The following CCNG1 variants were observed in gnomAD, a reference collection of about 807,000 sequenced individuals.
CCNG1 encodes the protein cyclin-G1.
Under a neutral mutation model 30.0 loss-of-function variants are expected in CCNG1, and 13 were observed. The observed-to-expected ratio is 0.43, with a 90% CI of 0.28 to 0.69. CCNG1 has a LOEUF of 0.69. CCNG1 is among the 30% of genes least tolerant of loss of function. The pLI, the probability that CCNG1 is intolerant of heterozygous loss-of-function variation, is 0.16. For missense variants in CCNG1, 285 were observed against 331.4 expected (o/e 0.86, Z 1.09); for synonymous variants, 110 against 121.5 (o/e 0.91, Z 0.62).
chr5:163,448,187 C>A (rs1445814542), downstream of CCNG1: 1 of 128,980 alleles, frequency 7.8e-6, no homozygotes, highest in African/African-American at 3.2e-5. Flanking sequence ...AAACCTAAAG[C>A]AAGCAGAAAG....
the CCNG1 span, chr5:163,457,004 T>C: frequency 2.5e-6 from 4 of 1,613,702 alleles, no homozygotes; most frequent in South Asian, 4.4e-5. Context: ...CATATTCAGA[T>C]TCTAGTAGAG....
At chr5:163,456,568 G>T in the CCNG1 span, among the ~76,000 whole-genome samples, 3 of 152,108 alleles carry the variant, frequency 2.0e-5, no homozygotes, top group African/African-American at 7.2e-5. Context: ...CAACATATGA[G>T]ATGAAAATGA....
intron 2 of CCNG1, 110 bp from the exon 3 acceptor site, chr5:163,440,968 C>A: frequency 8.4e-7 from 1 of 1,185,794 alleles, no homozygotes; most frequent in Non-Finnish European, 1.2e-6. Flanking sequence ...AGAAATAAAC[C>A]TCAAATATAC....
chr5:163,457,585 G>T, the CCNG1 span: 1 of 1,581,290 alleles, frequency 6.3e-7, no homozygotes, highest in Non-Finnish European at 8.7e-7. Context: ...TCCCTCATCA[G>T]CTATTGTAGA....
At chr5:163,441,594 A>G in intron 3 of CCNG1, 1 of 483,074 alleles carries the variant, frequency 2.1e-6, no homozygotes, top group Non-Finnish European at 3.6e-6. Flanking sequence ...ATGGAAAAAA[A>G]GGACCTTCAG....
chr5:163,456,265 T>A, the CCNG1 span, among the ~76,000 whole-genome samples: 1 of 152,238 alleles, frequency 6.6e-6, no homozygotes, highest in East Asian at 1.9e-4. Flanking sequence ...GATATTTATC[T>A]TAAAGATATC....
At chr5:163,447,858 C>T (rs1018970863), downstream of CCNG1, 1 of 152,172 alleles carries the variant, frequency 6.6e-6, no homozygotes, top group Non-Finnish European at 1.5e-5. Flanking sequence ...ACAGGGAAGT[C>T]TTAAAAAATA....
At chr5:163,457,095 C>T in the CCNG1 span, 8 of 1,561,426 alleles carry the variant, frequency 5.1e-6, no homozygotes, top group Non-Finnish European at 6.9e-6. Context: ...AAAAAAAACA[C>T]ACACACACAC....
At chr5:163,438,639 G>A (rs1757620124) in intron 1 of CCNG1, among the ~76,000 whole-genome samples, 1 of 152,124 alleles carries the variant, frequency 6.6e-6, no homozygotes, top group African/African-American at 2.4e-5. Flanking sequence ...TTTCACTTTC[G>A]GTATCCTGTC....
intron 1 of CCNG1, among the ~76,000 whole-genome samples, chr5:163,438,571 A>T (rs1416357734): frequency 2.6e-5 from 4 of 152,240 alleles, no homozygotes; most frequent in African/African-American, 9.7e-5. Flanking sequence ...AGTACAATTA[A>T]GTAACTTGAA....
downstream of CCNG1, among the ~76,000 whole-genome samples, chr5:163,445,620 A>ATTTTTTT (rs56065634): frequency 0.2 from 21,514 of 107,846 alleles, 3,003 homozygotes; most frequent in South Asian, 0.36. Flanking sequence ...CACCCAGCTA[A>ATTTTTTT]TTTTTTTTTT....
At chr5:163,440,990 GT>G in intron 2 of CCNG1, 87 bp from the exon 3 acceptor site, 1 of 1,353,064 alleles carries the variant, frequency 7.4e-7, no homozygotes, top group East Asian at 2.3e-5. Context: ...TTTTCAAAAT[GT>G]TGGGTCGGAG....
At chr5:163,447,859 T>C (rs1758078268), downstream of CCNG1, 1 of 152,210 alleles carries the variant, frequency 6.6e-6, no homozygotes, top group South Asian at 2.1e-4. Flanking sequence ...CAGGGAAGTC[T>C]TAAAAAATAT....
intron 6 of CCNG1, 30 bp downstream of exon 6, chr5:163,442,598 T>G (rs1398080415): frequency 2.0e-6 from 3 of 1,507,166 alleles, no homozygotes; most frequent in Non-Finnish European, 2.7e-6. Flanking sequence ...ATTCTCCAGA[T>G]AGAGAACATT....
downstream of CCNG1, chr5:163,447,657 C>A (rs946472540): frequency 2.0e-5 from 3 of 152,114 alleles, no homozygotes; most frequent in Admixed American, 1.3e-4. Flanking sequence ...GCAGAATAAG[C>A]ATTCTTTTCA....
chr5:163,455,986 C>G, the CCNG1 span, among the ~76,000 whole-genome samples: 1 of 152,028 alleles, frequency 6.6e-6, no homozygotes, highest in African/African-American at 2.4e-5. Flanking sequence ...AAAGATGAGT[C>G]CCAATTTTTT....
the CCNG1 span, among the ~76,000 whole-genome samples, chr5:163,455,260 G>A: frequency 7.2e-5 from 11 of 152,186 alleles, no homozygotes; most frequent in Non-Finnish European, 1.6e-4. Context: ...TGTGGGAGAA[G>A]AGCATTGCAG....
downstream of CCNG1, chr5:163,450,357 T>G (rs1197914592): frequency 1.3e-5 from 2 of 152,118 alleles, no homozygotes; most frequent in Non-Finnish European, 2.9e-5. Flanking sequence ...TGGATAAGAC[T>G]TCATCAAAAT....
chr5:163,442,581 C>G lies in CCNG1; in HGVS notation c.*3+13C>G. On this transcript the variant is annotated intron_variant, in intron 6 of 6. Transcript: ENST00000340828. ...GGTCCCTTAACTGGTAAATTTGGTC[C>G]GTTATTATTCTCCAGATAGAGAACA... 6.4e-7 allele frequency: 1 copy of G among 1,565,214 alleles called. No homozygotes were observed. Among genetic ancestry groups the G allele is most frequent in the Non-Finnish European group, 8.7e-7 (1 of 1,151,192 alleles).
Sources: allele counts gnomAD v4.1 joint callset (sites outside exome capture counted in the v4.1 genomes callset), GRCh38; gene constraint gnomAD v4.1.1; transcripts MANE v1.5; gene names NCBI Gene and HGNC (gene_info 2026-07-23, HGNC 2026-07-21).